GNB1: variants seen among roughly 807,000 people sequenced by gnomAD.
The protein encoded by GNB1 is G protein subunit beta 1.
GNB1 carries 2 observed loss-of-function variants against 42.9 expected under a neutral mutation model. The ratio of observed to expected loss-of-function variants is 0.05; its 90% CI spans 0.02 to 0.15. The LOEUF (loss-of-function observed/expected upper bound fraction) is 0.15. Among genes scored for constraint, GNB1 ranks in the 10% least tolerant of loss-of-function variants. The pLI, the probability that GNB1 is intolerant of heterozygous loss-of-function variation, is 1.00. For missense variants in GNB1, 193 were observed against 462.2 expected, an observed-to-expected ratio of 0.42 and a Z score of 5.34; for synonymous variants, 183 against 174.7, an observed-to-expected ratio of 1.05 and a Z score of -0.38.
chr1:1,880,970 C>A (rs1387368472), intron 1 of GNB1, among the ~76,000 whole-genome samples: 2 of 151,914 alleles, frequency 1.3e-5, no homozygotes, highest in Non-Finnish European at 2.9e-5. Context: ...TCAGAGCACA[C>A]CCTCGGAGGA....
chr1:1,869,064 T>A (rs561001747), intron 1 of GNB1, among the ~76,000 whole-genome samples: 1 of 150,290 alleles, frequency 6.7e-6, no homozygotes, highest in South Asian at 2.1e-4. Context: ...CGGGCACCTG[T>A]AGTCCCAGCT....
At chr1:1,869,499 CCA>C (rs1649130724) in intron 1 of GNB1, among the ~76,000 whole-genome samples, 1 of 152,178 alleles carries the variant, frequency 6.6e-6, no homozygotes, top group African/African-American at 2.4e-5. Context: ...CAACACAGGT[CCA>C]TCAGGAACTG....
At chr1:1,888,930 G>A (rs947649524) in intron 1 of GNB1, among the ~76,000 whole-genome samples, 1 of 152,156 alleles carries the variant, frequency 6.6e-6, no homozygotes, top group Non-Finnish European at 1.5e-5. Context: ...CTGTCTCCAT[G>A]TCAGTGGCAC....
At chr1:1,853,883 C>CAT (rs1368597058) in intron 1 of GNB1, among the ~76,000 whole-genome samples, 4 of 152,048 alleles carry the variant, frequency 2.6e-5, no homozygotes, top group Non-Finnish European at 4.4e-5. Context: ...CATATATAGT[C>CAT]ATATTATATA....
chr1:1,789,739 G>A (rs1646458039), intron 9 of GNB1, among the ~76,000 whole-genome samples: 1 of 151,230 alleles, frequency 6.6e-6, no homozygotes, highest in Non-Finnish European at 1.5e-5. Context: ...AGGAACTACA[G>A]GGGACTGGGA....
At chr1:1,864,182 G>C (rs898644015) in intron 1 of GNB1, among the ~76,000 whole-genome samples, 3 of 151,626 alleles carry the variant, frequency 2.0e-5, no homozygotes, top group African/African-American at 4.8e-5. Flanking sequence ...AATTAGCCAG[G>C]CGTGGTGGCA....
rs753942104 is a variant in GNB1, at chr1:1,785,647, T to G, written c.*1416A>C. Reference sequence around the variant, plus strand: ...CTGCTGCTGAACACTGGCCTTGAAATGAACACCAGGACAATCTGTGTGTGA... The same window carrying G: ...CTGCTGCTGAACACTGGCCTTGAAAGGAACACCAGGACAATCTGTGTGTGA... On this transcript the variant is annotated 3_prime_UTR_variant, in exon 12 of 12. Transcript: ENST00000378609. 1 of 234,040 alleles carries G rather than the reference T, an allele frequency of 4.3e-6. No homozygotes were observed. The highest frequency in any genetic ancestry group is 8.2e-6 in the Non-Finnish European group (1 of 122,220). The allele number at this position is 234,040 out of a possible 1,614,324, so 14.5% of individuals were successfully genotyped here.
intron 1 of GNB1, among the ~76,000 whole-genome samples, chr1:1,855,415 C>T (rs536698118): frequency 1.5e-4 from 23 of 151,444 alleles, no homozygotes; most frequent in Non-Finnish European, 3.1e-4. Context: ...AAAACAATAA[C>T]TCCCGGCCGG....
rs1464856735 is a variant in GNB1 at position 1,891,009 on chromosome 1, C to G, written c.-285G>C. The G allele has an allele frequency of 6.5e-6, 1 of 153,586 alleles. No homozygotes were observed. Among genetic ancestry groups the G allele is most frequent in the African/African-American group, 2.4e-5 (1 of 41,062 alleles). The allele number at this position is 153,586 out of a possible 1,614,324, so 9.5% of individuals were successfully genotyped here. On this transcript the variant is annotated 5_prime_UTR_variant, in exon 1 of 12. Transcript: ENST00000378609. ...CCCGCTCCCCACTCGCCGCCCGCTC[C>G]CGCTCCCGCCGCCGCCGCCGCCGCC... is the stretch of plus-strand genomic sequence containing the variant.
intron 1 of GNB1, among the ~76,000 whole-genome samples, chr1:1,860,621 A>T (rs1648568331): frequency 1.3e-5 from 2 of 150,098 alleles, no homozygotes; most frequent in Admixed American, 1.3e-4. Flanking sequence ...TGGGCAACAG[A>T]GCAAGACTCC....
intron 7 of GNB1, among the ~76,000 whole-genome samples, chr1:1,796,473 TG>T (rs1557884467): frequency 6.6e-6 from 1 of 152,210 alleles, no homozygotes; most frequent in Admixed American, 6.5e-5. Flanking sequence ...AGCCTCCCCA[TG>T]TAACTGGGGA....
intron 7 of GNB1, among the ~76,000 whole-genome samples, chr1:1,800,014 CAAGA>C (rs1646602911): frequency 6.6e-6 from 1 of 152,234 alleles, no homozygotes; most frequent in Non-Finnish European, 1.5e-5. Context: ...TGCTGCCACA[CAAGA>C]AAGACAGAGA....
At chr1:1,805,685 C>T (rs1339822555) in intron 6 of GNB1, among the ~76,000 whole-genome samples, 5 of 151,800 alleles carry the variant, frequency 3.3e-5, no homozygotes, top group African/African-American at 7.3e-5. Flanking sequence ...GGATTACAGG[C>T]GCCTGCCACC....
intron 5 of GNB1, among the ~76,000 whole-genome samples, 167 bp downstream of exon 5, chr1:1,815,589 G>C (rs2100855409): frequency 6.6e-6 from 1 of 152,346 alleles, no homozygotes; most frequent in South Asian, 2.1e-4. Flanking sequence ...AAACTGGACA[G>C]GGAATATGCA....
chr1:1,816,218 T>G (rs1467652382), intron 4 of GNB1, among the ~76,000 whole-genome samples: 1 of 152,180 alleles, frequency 6.6e-6, no homozygotes, highest in African/African-American at 2.4e-5. Context: ...TCGCAACTCT[T>G]CTTATGACAC....
intron 1 of GNB1, among the ~76,000 whole-genome samples, chr1:1,885,874 A>G (rs2101934390): frequency 6.6e-6 from 1 of 151,262 alleles, no homozygotes; most frequent in South Asian, 2.1e-4. Context: ...ATCTTAAAAA[A>G]AAAAAAAAGC....
Position 1,804,561 on chromosome 1 carries a change from G to A in GNB1, c.288C>T (p.Arg96=), listed in dbSNP as rs770828889. Residue 96 remains arginine (R), a synonymous_variant, in exon 7 of 12, where the codon CGC becomes CGT. Transcript: ENST00000378609. ...TTNKVHAIPL[R]SSWVMTCAYA... is the part of the protein sequence containing the mutation. The stretch of plus-strand genomic sequence containing the variant: ...ATGCACAGGTCATGACCCAGGAGGA[G>A]CGCAGAGGGATGGCGTGGACCTAAT... The A allele has an allele frequency of 1.5e-5, 24 of 1,608,930 alleles. No homozygotes were observed. The Admixed American group carries it at 2.7e-4, about 18-fold the overall frequency.
At chr1:1,810,535 CAAAAAAAAAAAA>C (rs1213355902) in intron 5 of GNB1, among the ~76,000 whole-genome samples, 1 of 73,102 alleles carries the variant, frequency 1.4e-5, no homozygotes, top group African/African-American at 5.1e-5. Flanking sequence ...GACCCAGTCT[CAAAAAAAAAAAA>C]AAAAAAAAAA....
intron 1 of GNB1, among the ~76,000 whole-genome samples, chr1:1,859,748 C>T (rs1236322804): frequency 6.6e-6 from 1 of 150,560 alleles, no homozygotes; most frequent in Non-Finnish European, 1.5e-5. Context: ...GTGGCTCACG[C>T]CTGTAATCCC....
Sources: allele counts gnomAD v4.1 joint callset (sites outside exome capture counted in the v4.1 genomes callset), GRCh38; gene constraint gnomAD v4.1.1; transcripts MANE v1.5; gene names NCBI Gene and HGNC (gene_info 2026-07-23, HGNC 2026-07-21).